Variants in KALRN observed in about 807,000 individuals in gnomAD.
KALRN encodes the protein kalirin RhoGEF kinase.
KALRN carries 70 observed loss-of-function variants against 353.7 expected under a neutral mutation model. The observed-to-expected ratio is 0.20, with a 90% CI of 0.16 to 0.24. The LOEUF is 0.24. KALRN is among the 10% of genes least tolerant of loss of function. The pLI is 1.00. For synonymous variants in KALRN, 1,391 were observed against 1,434.8 expected, an observed-to-expected ratio of 0.97 and a Z score of 0.69; for missense variants, 2,791 against 3,756.7, an observed-to-expected ratio of 0.74 and a Z score of 6.72.
rs1416239478 is a variant in KALRN at position 124,563,405 on chromosome 3, T to TC, written c.5182+317dup. ...TATCACACTACATTCGGGAAAGTCCTCTTCTACCTTTGGCCAAATATGGTT... is the reference window on the plus strand; with the variant it reads ...TATCACACTACATTCGGGAAAGTCCTCCTTCTACCTTTGGCCAAATATGGTT... On this transcript the variant is annotated intron_variant, in intron 34 of 59. Transcript: ENST00000682506. Among the ~76,000 whole-genome samples the TC allele has an allele frequency of 9.2e-5, 14 of 152,324 alleles. No homozygotes were observed. In the East Asian group the frequency reaches 2.7e-3, roughly 29 times the overall value.
In KALRN at chr3:124,415,955, T is replaced by C. The variant is rs146703213; in HGVS notation, c.2542+2290T>C. On this transcript the variant is annotated intron_variant, in intron 14 of 59. Coordinates refer to ENST00000682506, the MANE Select transcript of KALRN (RefSeq NM_001388419.1). ...GTGTTCTAGGACACAGACTGTACCT[T>C]ATTAGGGAAGTAGGGGAAACTGTAA... 8.0e-3 allele frequency among the ~76,000 whole-genome samples: 1,215 copies of C among 152,310 alleles called. 9 individuals are homozygous for C. Among genetic ancestry groups the C allele is most frequent in the Non-Finnish European group, 0.012 (838 of 68,018 alleles).
intron 3 of KALRN, among the ~76,000 whole-genome samples, chr3:124,235,399 G>A (rs73186293): frequency 0.053 from 8,016 of 152,208 alleles, 320 homozygotes; most frequent in East Asian, 0.18. Flanking sequence ...GATCTAAAAA[G>A]GCTCCTTCGG....
At chr3:124,315,660 T>G (rs949352101) in intron 6 of KALRN, among the ~76,000 whole-genome samples, 1 of 151,960 alleles carries the variant, frequency 6.6e-6, no homozygotes, top group East Asian at 1.9e-4. Context: ...TGTAGCTCAG[T>G]TGACCCACCC....
chr3:124,490,857 G>T lies in KALRN; in HGVS notation c.4560G>T (p.Thr1520=). ...AGATCAAAGATTCTTCAGGACACAC[G>T]AAATATGTTTACAAGAACAAGCTAC... The part of the protein sequence containing the change: ...SKEIKDSSGH[T]KYVYKNKLLT... The change falls in exon 30 of 60, where the codon ACG becomes ACT. Residue 1520 remains threonine, a synonymous_variant. Coordinates refer to ENST00000682506, the MANE Select transcript of KALRN (RefSeq NM_001388419.1). The T allele has an allele frequency of 6.2e-7, 1 of 1,613,302 alleles. No individual in the cohort carries two copies.
chr3:124,220,689 G>A (rs2077804617), intron 1 of KALRN, among the ~76,000 whole-genome samples: 1 of 152,120 alleles, frequency 6.6e-6, no homozygotes, highest in African/African-American at 2.4e-5. Context: ...GTTTCACATT[G>A]CACTTTCATG....
intron 58 of KALRN, among the ~76,000 whole-genome samples, chr3:124,716,741 G>A (rs2063151851): frequency 6.6e-6 from 1 of 152,222 alleles, no homozygotes; most frequent in Non-Finnish European, 1.5e-5. Context: ...AGGAGTTCGA[G>A]GCTGCAGTGA....
At chr3:124,190,835 A>G (rs2074819991) in intron 1 of KALRN, among the ~76,000 whole-genome samples, 1 of 152,220 alleles carries the variant, frequency 6.6e-6, no homozygotes, top group Admixed American at 6.5e-5. Context: ...CCCTATAATT[A>G]AATTCAATTC....
chr3:124,130,893 C>T (rs1342504393), intron 1 of KALRN, among the ~76,000 whole-genome samples: 1 of 152,170 alleles, frequency 6.6e-6, no homozygotes, highest in African/African-American at 2.4e-5. Context: ...ATATTGTATT[C>T]TCCCACTTAT....
At chr3:124,164,223 A>G (rs2070456133) in intron 1 of KALRN, 1 of 153,826 alleles carries the variant, frequency 6.5e-6, no homozygotes, top group Non-Finnish European at 1.4e-5. Context: ...TTGCTGTATA[A>G]ATCTTGGATC....
chr3:124,413,822 G>C (rs1325030870), intron 14 of KALRN, among the ~76,000 whole-genome samples, 157 bp downstream of exon 14: 3 of 152,068 alleles, frequency 2.0e-5, no homozygotes, highest in Non-Finnish European at 1.5e-5. Context: ...GAAAGGAAAC[G>C]AGGCCAGGTG....
chr3:124,449,777 T>C (rs2058597893), intron 21 of KALRN, among the ~76,000 whole-genome samples: 1 of 152,252 alleles, frequency 6.6e-6, no homozygotes, highest in South Asian at 2.1e-4. Flanking sequence ...GGGCATTTCA[T>C]ATAAATGGAA....
intron 37 of KALRN, among the ~76,000 whole-genome samples, chr3:124,649,290 A>G (rs1282865447): frequency 1.3e-5 from 2 of 152,224 alleles, no homozygotes; most frequent in Non-Finnish European, 2.9e-5. Context: ...AAATAGAGCA[A>G]CTGAGAGCAT....
chr3:124,278,210 A>G (rs2149010819), intron 5 of KALRN, among the ~76,000 whole-genome samples: 1 of 151,020 alleles, frequency 6.6e-6, no homozygotes, highest in East Asian at 2.0e-4. Flanking sequence ...TTCTTGATAC[A>G]TCGTAAGGAA....
chr3:124,718,464 T>A (rs1579102385), intron 59 of KALRN, among the ~76,000 whole-genome samples: 2 of 152,212 alleles, frequency 1.3e-5, no homozygotes, highest in East Asian at 3.9e-4. Context: ...GTCACACAAT[T>A]TAAGTGTATC....
intron 5 of KALRN, among the ~76,000 whole-genome samples, chr3:124,278,146 G>T (rs1166930503): frequency 1.3e-5 from 2 of 151,810 alleles, no homozygotes; most frequent in Non-Finnish European, 2.9e-5. Context: ...CTAGGCCTTG[G>T]ATGGAGGATA....
At chr3:124,342,030 G>C (rs1048672926) in intron 9 of KALRN, among the ~76,000 whole-genome samples, 1 of 152,066 alleles carries the variant, frequency 6.6e-6, no homozygotes, top group Non-Finnish European at 1.5e-5. Context: ...GGGTTAAGAG[G>C]GGGTAGGGCC....
At chr3:124,573,492 C>A (rs960809979) in intron 34 of KALRN, among the ~76,000 whole-genome samples, 7 of 151,990 alleles carry the variant, frequency 4.6e-5, no homozygotes, top group African/African-American at 1.7e-4. Context: ...TTCTAGTTTC[C>A]ATTGGTTTTC....
Position 124,520,042 on chromosome 3 carries a change from G to A in KALRN, c.4935+23629G>A, listed in dbSNP as rs894086219. On this transcript the variant is annotated intron_variant, in intron 33 of 59. Transcript: ENST00000682506. ...ACTAATGAGAATCATATCAACCACAGCAATTTTGTCTTCTGGTTGCCTAGC... is the reference window on the plus strand; with the variant it reads ...ACTAATGAGAATCATATCAACCACAACAATTTTGTCTTCTGGTTGCCTAGC... 2.6e-5 allele frequency among the ~76,000 whole-genome samples: 4 copies of A among 152,026 alleles called. No homozygotes were observed. In the East Asian group the frequency reaches 5.8e-4, roughly 22 times the overall value.
intron 33 of KALRN, among the ~76,000 whole-genome samples, chr3:124,561,727 G>C (rs2109846316): frequency 6.6e-6 from 1 of 152,298 alleles, no homozygotes; most frequent in East Asian, 1.9e-4. Flanking sequence ...CAAGGACTTT[G>C]CCTCCAAACT....
Sources: allele counts gnomAD v4.1 joint callset (sites outside exome capture counted in the v4.1 genomes callset), GRCh38; gene constraint gnomAD v4.1.1; transcripts MANE v1.5; gene names NCBI Gene and HGNC (gene_info 2026-07-23, HGNC 2026-07-21).